Variants in FOXP1 observed in about 807,000 individuals in gnomAD.
FOXP1 encodes the protein forkhead box protein P1.
FOXP1 carries 15 observed loss-of-function variants against 98.2 expected under a neutral mutation model. The ratio of observed to expected loss-of-function variants is 0.15; its 90% CI spans 0.10 to 0.24. FOXP1 has a LOEUF of 0.24. Among genes scored for constraint, FOXP1 ranks in the 10% least tolerant of loss-of-function variants. The probability of loss-of-function intolerance (pLI) is 1.00; values close to 1 mark genes in which losing one functional copy is unlikely to be tolerated. For missense variants in FOXP1, 633 were observed against 848.5 expected, an observed-to-expected ratio of 0.75 and a Z score of 3.15; for synonymous variants, 371 against 314.5, an observed-to-expected ratio of 1.18 and a Z score of -1.90.
intron 5 of FOXP1, among the ~76,000 whole-genome samples, chr3:71,232,696 C>T (rs769275649): frequency 6.6e-6 from 1 of 151,316 alleles, no homozygotes; most frequent in Non-Finnish European, 1.5e-5. Context: ...TTCAGGAGTT[C>T]GAGACCAGTC....
At chr3:71,312,422 T>C (rs1490465291) in intron 4 of FOXP1, among the ~76,000 whole-genome samples, 1 of 152,246 alleles carries the variant, frequency 6.6e-6, no homozygotes, top group African/African-American at 2.4e-5. Context: ...AATTCAGGCT[T>C]CAAGCTCCCC....
At chr3:71,199,149 C>T (rs1331331929) in intron 5 of FOXP1, among the ~76,000 whole-genome samples, 1 of 150,716 alleles carries the variant, frequency 6.6e-6, no homozygotes, top group African/African-American at 2.4e-5. Context: ...GCTCTGTCGC[C>T]GAGGATGAAG....
intron 2 of FOXP1, among the ~76,000 whole-genome samples, chr3:71,493,835 C>A (rs1420153974): frequency 1.3e-5 from 2 of 152,054 alleles, no homozygotes; most frequent in Non-Finnish European, 2.9e-5. Flanking sequence ...TATGAAAATA[C>A]CACTTCCCAT....
At chr3:70,978,121 G>T in intron 14 of FOXP1, 92 bp from the exon 15 acceptor site, 1 of 1,019,222 alleles carries the variant, frequency 9.8e-7, no homozygotes, top group South Asian at 1.3e-5. Context: ...GAGGATGCGT[G>T]GGCACCGTTT....
intron 11 of FOXP1, among the ~76,000 whole-genome samples, chr3:71,019,319 A>G (rs2045033384): frequency 6.6e-6 from 1 of 152,222 alleles, no homozygotes; most frequent in Non-Finnish European, 1.5e-5. Context: ...AAACTCACCA[A>G]TGTGTAAAGT....
chr3:71,078,514 C>G (rs1415635206), intron 7 of FOXP1, among the ~76,000 whole-genome samples: 2 of 151,994 alleles, frequency 1.3e-5, no homozygotes, highest in Non-Finnish European at 2.9e-5. Context: ...AATGACTTAC[C>G]CTAATAAAAC....
chr3:70,979,241 C>A lies in FOXP1; in HGVS notation c.1147-1212G>T, dbSNP rs185059524. ...AGGTTGCAGTGAGCTGAGATCACCA[C>A]TGCATTCCAGCCTGGGTGATAGAGT... On this transcript the variant is annotated intron_variant, in intron 14 of 20. Coordinates refer to ENST00000649528, the MANE Select transcript of FOXP1 (RefSeq NM_001349338.3). 1.0e-4 allele frequency among the ~76,000 whole-genome samples: 12 copies of A among 119,292 alleles called. No homozygotes were observed. The East Asian group carries it at 3.5e-3, about 34-fold the overall frequency. The allele number at this position is 119,292 out of a possible 152,430, so 78.3% of individuals were successfully genotyped here. A position where few individuals can be genotyped will look rare whatever the true frequency, so the allele number is the denominator to read the frequency against.
In FOXP1 at chr3:71,417,201, C is replaced by T. The variant is rs141400254; in HGVS notation, c.-167-57957G>A. On this transcript the variant is annotated intron_variant, in intron 3 of 20. Coordinates refer to ENST00000649528, the MANE Select transcript of FOXP1 (RefSeq NM_001349338.3). The stretch of plus-strand genomic sequence containing the variant: ...GTCAAATGGTACAGACTCGCGACAT[C>T]CTCCAGGCTGAGCCCAGTCGTCCAC... 2.4e-3 allele frequency among the ~76,000 whole-genome samples: 373 copies of T among 152,312 alleles called. 2 individuals are homozygous for T. The highest frequency in any genetic ancestry group is 8.7e-3 in the African/African-American group (361 of 41,570).
At chr3:71,351,221 G>A (rs761082436) in intron 4 of FOXP1, among the ~76,000 whole-genome samples, 1 of 151,954 alleles carries the variant, frequency 6.6e-6, no homozygotes, top group African/African-American at 2.4e-5. Context: ...TGGCATGATC[G>A]GAACCTCCTG....
At chr3:71,557,946 A>G (rs921156932) in intron 2 of FOXP1, among the ~76,000 whole-genome samples, 2 of 152,098 alleles carry the variant, frequency 1.3e-5, no homozygotes, top group African/African-American at 4.8e-5. Flanking sequence ...CCTCCTAAGT[A>G]GCTGGAATTA....
intron 2 of FOXP1, among the ~76,000 whole-genome samples, chr3:71,552,854 CAAT>C (rs1020222282): frequency 1.3e-5 from 2 of 152,014 alleles, no homozygotes; most frequent in Admixed American, 1.3e-4. Flanking sequence ...TGAACACCAA[CAAT>C]AATATAAGCA....
chr3:71,489,671 GA>G (rs1160536103), intron 3 of FOXP1, among the ~76,000 whole-genome samples: 1 of 152,108 alleles, frequency 6.6e-6, no homozygotes, highest in Non-Finnish European at 1.5e-5. Context: ...CCTTCCTGGT[GA>G]ACGGTGGCAT....
At chr3:71,521,922 G>A (rs2043023080) in intron 2 of FOXP1, among the ~76,000 whole-genome samples, 2 of 152,116 alleles carry the variant, frequency 1.3e-5, no homozygotes, top group Non-Finnish European at 1.5e-5. Context: ...AAGAAACCTC[G>A]GCCTTGGCTC....
chr3:71,232,382 C>A (rs868863442), intron 5 of FOXP1, among the ~76,000 whole-genome samples: 1 of 152,288 alleles, frequency 6.6e-6, no homozygotes, highest in Admixed American at 6.5e-5. Flanking sequence ...GCTATGAGAA[C>A]TGACAGAGAG....
At chr3:71,197,919 G>A (rs761124026) in intron 6 of FOXP1, 21 of 1,614,068 alleles carry the variant, frequency 1.3e-5, no homozygotes, top group Admixed American at 1.7e-5. Context: ...ATGGGGAAGG[G>A]TTAGGCTGAC....
chr3:71,532,265 T>G (rs2107542741), intron 2 of FOXP1, among the ~76,000 whole-genome samples: 1 of 152,096 alleles, frequency 6.6e-6, no homozygotes, highest in African/African-American at 2.4e-5. Flanking sequence ...ACACCCAAAT[T>G]TTTGTATTTT....
intron 4 of FOXP1, among the ~76,000 whole-genome samples, chr3:71,308,566 G>A (rs1311567097): frequency 3.3e-5 from 5 of 152,148 alleles, no homozygotes; most frequent in Non-Finnish European, 5.9e-5. Flanking sequence ...AGGACTGTAA[G>A]TTTCCTGTTT....
chr3:71,220,960 ATACT>A (rs2065331955), intron 5 of FOXP1, among the ~76,000 whole-genome samples: 6 of 151,172 alleles, frequency 4.0e-5, no homozygotes, highest in Admixed American at 1.3e-4. Flanking sequence ...TAGGCCAAGA[ATACT>A]TAGACTTAGA....
chr3:71,148,390 A>G (rs1223881391), intron 6 of FOXP1, among the ~76,000 whole-genome samples: 1 of 152,184 alleles, frequency 6.6e-6, no homozygotes, highest in Non-Finnish European at 1.5e-5. Flanking sequence ...CAAAAATAAA[A>G]AAAAAACTAA....
Sources: gnomAD v4.1 joint callset for allele counts (sites outside exome capture counted in the v4.1 genomes callset) on GRCh38, gnomAD v4.1.1 for gene constraint, MANE v1.5 for transcripts, NCBI Gene and HGNC (gene_info 2026-07-23, HGNC 2026-07-21) for gene names.